The following ZRANB3 variants were observed in gnomAD, a reference collection of about 807,000 sequenced individuals.
ZRANB3 encodes the protein zinc finger RANBP2-type containing 3, also known as DNA annealing helicase and endonuclease ZRANB3.
Under a neutral mutation model 133.8 loss-of-function variants are expected in ZRANB3, and 125 were observed. The ratio of observed to expected loss-of-function variants is 0.93; its 90% CI spans 0.81 to 1.08. The LOEUF is 1.08. Ranked by LOEUF, ZRANB3 falls within the 50% of genes least tolerant of loss-of-function variation. ZRANB3 has a pLI of 0.00. For synonymous variants in ZRANB3, 387 were observed against 432.7 expected (o/e 0.89, Z 1.31); for missense variants, 1,229 against 1,275.5 (o/e 0.96, Z 0.56).
intron 6 of ZRANB3, among the ~76,000 whole-genome samples, chr2:135,332,287 C>T (rs1445865691): frequency 6.6e-6 from 1 of 152,030 alleles, no homozygotes; most frequent in African/African-American, 2.4e-5. Flanking sequence ...ACTAGTTTTG[C>T]TCTCTGAGGC....
intron 15 of ZRANB3, among the ~76,000 whole-genome samples, chr2:135,223,925 G>A (rs974923203): frequency 2.0e-5 from 3 of 152,200 alleles, no homozygotes; most frequent in Non-Finnish European, 2.9e-5. Flanking sequence ...TTTATGGAGA[G>A]TTCATATAGG....
At chr2:135,445,875 CA>C (rs60336414) in intron 2 of ZRANB3, among the ~76,000 whole-genome samples, 9,884 of 95,602 alleles carry the variant, frequency 0.1, 737 homozygotes, top group African/African-American at 0.22. Context: ...GACTCCATCT[CA>C]AAAAAAAAAA....
At chr2:135,451,432 C>T (rs1243524976) in intron 2 of ZRANB3, among the ~76,000 whole-genome samples, 1 of 152,030 alleles carries the variant, frequency 6.6e-6, no homozygotes, top group African/African-American at 2.4e-5. Context: ...CAAAGTGGCA[C>T]ATGCCTGTAA....
At chr2:135,233,962 A>T (rs1695164197) in intron 12 of ZRANB3, among the ~76,000 whole-genome samples, 1 of 152,200 alleles carries the variant, frequency 6.6e-6, no homozygotes, top group Non-Finnish European at 1.5e-5. Flanking sequence ...TTAAATGTAA[A>T]TGGGCTAAAT....
intron 1 of ZRANB3, among the ~76,000 whole-genome samples, chr2:135,518,701 C>A (rs1693799400): frequency 6.6e-6 from 1 of 152,168 alleles, no homozygotes; most frequent in African/African-American, 2.4e-5. Context: ...TGTTCCTATT[C>A]AGCCATCTTG....
chr2:135,231,724 G>A (rs1470684805), intron 12 of ZRANB3, among the ~76,000 whole-genome samples: 1 of 152,096 alleles, frequency 6.6e-6, no homozygotes, highest in Admixed American at 6.5e-5. Context: ...GGAGGTTGAG[G>A]CTACAGTGAG....
intron 3 of ZRANB3, among the ~76,000 whole-genome samples, chr2:135,384,646 T>A (rs1686878622): frequency 6.6e-6 from 1 of 151,796 alleles, no homozygotes; most frequent in Admixed American, 6.6e-5. Context: ...TTATCCACCA[T>A]GATCAAGTCG....
Position 135,265,522 on chromosome 2 carries a change from A to G in ZRANB3, c.1539+12T>C. The G allele has an allele frequency of 1.2e-6, 2 of 1,607,450 alleles. No homozygotes were observed. The highest frequency in any genetic ancestry group is 1.7e-6 in the Non-Finnish European group (2 of 1,177,190). ...TAAAAAAAATAGAAAAGAGTAAGGC[A>G]TATAATCTTACGTGAGTGAACAAAG... On this transcript the variant is annotated intron_variant, in intron 12 of 20. Coordinates refer to ENST00000264159, the MANE Select transcript of ZRANB3 (RefSeq NM_032143.4).
At chr2:135,312,188 T>TTTTA (rs1274204412) in intron 8 of ZRANB3, among the ~76,000 whole-genome samples, 16 of 127,222 alleles carry the variant, frequency 1.3e-4, no homozygotes, top group South Asian at 2.7e-4. Flanking sequence ...TTTTATTTTA[T>TTTTA]TTTTATTTTA....
intron 2 of ZRANB3, among the ~76,000 whole-genome samples, chr2:135,417,706 C>A (rs1688652657): frequency 6.6e-6 from 1 of 152,156 alleles, no homozygotes; most frequent in Non-Finnish European, 1.5e-5. Context: ...GACTTGGAAC[C>A]AACCCAAATG....
intron 6 of ZRANB3, among the ~76,000 whole-genome samples, chr2:135,319,835 T>C (rs1361606719): frequency 6.6e-6 from 1 of 152,194 alleles, no homozygotes; most frequent in Non-Finnish European, 1.5e-5. Flanking sequence ...CTTCTTAGCC[T>C]GATCCCAACA....
chr2:135,452,223 T>C (rs1690306102), intron 2 of ZRANB3, among the ~76,000 whole-genome samples: 1 of 152,170 alleles, frequency 6.6e-6, no homozygotes, highest in Non-Finnish European at 1.5e-5. Context: ...TTATTCACTA[T>C]CATGAGAACG....
At chr2:135,506,590 A>C (rs956083511) in intron 1 of ZRANB3, among the ~76,000 whole-genome samples, 7 of 152,354 alleles carry the variant, frequency 4.6e-5, no homozygotes, top group Admixed American at 3.9e-4. Context: ...TAAAATTAAA[A>C]ATTCAGTTAT....
intron 19 of ZRANB3, among the ~76,000 whole-genome samples, chr2:135,207,229 G>T: frequency 6.6e-6 from 1 of 151,458 alleles, no homozygotes; most frequent in South Asian, 2.1e-4. Flanking sequence ...TATTCTAGGA[G>T]AAACAAACAA....
intron 1 of ZRANB3, chr2:135,510,672 A>G: frequency 1.3e-6 from 1 of 788,820 alleles, no homozygotes; most frequent in South Asian, 1.3e-5. Context: ...TAAGGCGATC[A>G]TCTCGTCAGT....
At chr2:135,377,413 A>G (rs530107074) in intron 3 of ZRANB3, among the ~76,000 whole-genome samples, 2 of 152,276 alleles carry the variant, frequency 1.3e-5, no homozygotes, top group East Asian at 3.9e-4. Flanking sequence ...AAATGAAATT[A>G]GTTTTTTTTT....
intron 1 of ZRANB3, among the ~76,000 whole-genome samples, chr2:135,506,426 T>A (rs1367696946): frequency 6.6e-6 from 1 of 151,844 alleles, no homozygotes; most frequent in Non-Finnish European, 1.5e-5. Flanking sequence ...TGGCTGATGA[T>A]CCAAAGGAGG....
intron 6 of ZRANB3, among the ~76,000 whole-genome samples, chr2:135,340,884 CAA>C (rs1684620330): frequency 6.7e-6 from 1 of 149,844 alleles, no homozygotes; most frequent in South Asian, 2.1e-4. Flanking sequence ...TTTATAATAC[CAA>C]GTCTTTTCAT....
At chr2:135,232,424 T>A (rs1413820108) in intron 12 of ZRANB3, among the ~76,000 whole-genome samples, 1 of 152,186 alleles carries the variant, frequency 6.6e-6, no homozygotes, top group African/African-American at 2.4e-5. Context: ...AATGTCCCTG[T>A]CTGACAGCTT....
Sources: allele counts gnomAD v4.1 joint callset (sites outside exome capture counted in the v4.1 genomes callset), GRCh38; gene constraint gnomAD v4.1.1; transcripts MANE v1.5; gene names NCBI Gene and HGNC (gene_info 2026-07-23, HGNC 2026-07-21).